ADK: variants seen among roughly 807,000 people sequenced by gnomAD.
ADK encodes N6,N6-dimethyladenosine kinase.
In ADK, 24 loss-of-function variants were observed where a neutral mutation model predicts 44.7. That is an observed-to-expected ratio of 0.54 (90% CI 0.39 to 0.76). The LOEUF (loss-of-function observed/expected upper bound fraction) is 0.76, where lower values mean the gene tolerates loss of function less well. Ranked by LOEUF, ADK falls within the 30% of genes least tolerant of loss-of-function variation. The pLI, the probability that ADK is intolerant of heterozygous loss-of-function variation, is 0.00. For missense variants in ADK, 321 were observed against 425.1 expected, an observed-to-expected ratio of 0.76 and a Z score of 2.15; for synonymous variants, 128 against 142.6, an observed-to-expected ratio of 0.90 and a Z score of 0.73.
intron 3 of ADK, among the ~76,000 whole-genome samples, chr10:74,235,119 AAATTATCCCTT>A (rs1204730565): frequency 7.1e-6 from 1 of 141,156 alleles, no homozygotes; most frequent in East Asian, 2.0e-4. Flanking sequence ...TGGATACTTG[AAATTATCCCTT>A]TTTTTTTTTT....
chr10:74,650,313 G>A (rs900330898), intron 9 of ADK, among the ~76,000 whole-genome samples: 6 of 151,924 alleles, frequency 3.9e-5, no homozygotes, highest in Admixed American at 2.0e-4. Context: ...CCAGCTACTC[G>A]GGAAGCTGAG....
At chr10:74,419,253 A>G (rs778055378) in intron 6 of ADK, among the ~76,000 whole-genome samples, 30 of 152,164 alleles carry the variant, frequency 2.0e-4, no homozygotes, top group Non-Finnish European at 4.0e-4. Flanking sequence ...CTCTATTGCA[A>G]AAATATTTTT....
intron 3 of ADK, among the ~76,000 whole-genome samples, chr10:74,265,588 G>T (rs79625999): frequency 2.0e-5 from 3 of 147,696 alleles, no homozygotes; most frequent in Non-Finnish European, 3.0e-5. Context: ...TGAGAAAAGC[G>T]CAACTTAATT....
At chr10:74,531,873 A>G (rs1372004341) in intron 7 of ADK, among the ~76,000 whole-genome samples, 1 of 152,140 alleles carries the variant, frequency 6.6e-6, no homozygotes, top group Non-Finnish European at 1.5e-5. Flanking sequence ...ATGTAGTACC[A>G]ATTGTATACA....
At chr10:74,508,364 A>T (rs1294381318) in intron 6 of ADK, 1 of 152,186 alleles carries the variant, frequency 6.6e-6, no homozygotes, top group Admixed American at 6.5e-5. Flanking sequence ...TTGTAACATA[A>T]AACTCACTTT....
intron 1 of ADK, among the ~76,000 whole-genome samples, chr10:74,169,888 G>A (rs755904334): frequency 6.6e-6 from 1 of 152,150 alleles, no homozygotes; most frequent in South Asian, 2.1e-4. Flanking sequence ...AGGAACCTGA[G>A]ATGTCACCTA....
intron 7 of ADK, among the ~76,000 whole-genome samples, chr10:74,536,626 C>T (rs1400030811): frequency 6.6e-5 from 10 of 150,878 alleles, no homozygotes; most frequent in Admixed American, 1.3e-4. Flanking sequence ...TCAACCCAAG[C>T]AGAAGCTCTG....
At chr10:74,481,503 C>G (rs1201561434) in intron 6 of ADK, among the ~76,000 whole-genome samples, 2 of 152,082 alleles carry the variant, frequency 1.3e-5, no homozygotes, top group Non-Finnish European at 2.9e-5. Flanking sequence ...CTTTCACACT[C>G]TCTTGAGCCC....
In ADK at chr10:74,303,585, GTTGTTTTTTTTTTT is replaced by G. The variant is rs1177309653; in HGVS notation, c.195-11079_195-11066del. Among the ~76,000 whole-genome samples the G allele has an allele frequency of 4.5e-4, 29 of 64,648 alleles. 2 individuals carry two copies. Among genetic ancestry groups the G allele is most frequent in the South Asian group, 9.9e-4 (2 of 2,024 alleles). 42.4% of individuals were successfully genotyped at this position (64,648 alleles called of 152,430 possible). A position where few individuals can be genotyped will look rare whatever the true frequency, so the allele number is the denominator to read the frequency against. On this transcript the variant is annotated intron_variant, in intron 3 of 10. Transcript: ENST00000539909. ...AAACACTTTTCATATTGGTTTTAAT[GTTGTTTTTTTTTTT>G]TTTTTTTTTTTTTTTGCTAGAAAGG...
rs142465407 is a variant in ADK at position 74,240,372 on chromosome 10, TTGTG to T, written c.194+15807_194+15810del. On this transcript the variant is annotated intron_variant, in intron 3 of 10. Transcript: ENST00000539909. ...AGCCTGTCAGTGTTTTCCTTTTATTTTGTGTGTGTGTGTGTGTGTGTGTGTGTGT... is the reference window on the plus strand; with the variant it reads ...AGCCTGTCAGTGTTTTCCTTTTATTTTGTGTGTGTGTGTGTGTGTGTGTGT... Among the ~76,000 whole-genome samples, 189 of 147,240 alleles carry T rather than the reference TTGTG, an allele frequency of 1.3e-3. 3 individuals are homozygous for T. Among genetic ancestry groups the T allele is most frequent in the African/African-American group, 3.1e-3 (123 of 40,240 alleles).
At chr10:74,512,849 A>C (rs1049057251) in intron 6 of ADK, among the ~76,000 whole-genome samples, 1 of 151,824 alleles carries the variant, frequency 6.6e-6, no homozygotes, top group Non-Finnish European at 1.5e-5. Context: ...GTTTATCATC[A>C]AGTTGTTTAC....
chr10:74,279,009 G>A (rs1232222555), intron 3 of ADK, among the ~76,000 whole-genome samples: 1 of 152,056 alleles, frequency 6.6e-6, no homozygotes, highest in East Asian at 1.9e-4. Flanking sequence ...AGCTGGGCGC[G>A]GTGGCTCACG....
intron 3 of ADK, among the ~76,000 whole-genome samples, chr10:74,261,684 G>T (rs531358625): frequency 6.6e-6 from 1 of 152,288 alleles, no homozygotes; most frequent in African/African-American, 2.4e-5. Context: ...TGAAGGCCTT[G>T]CTCCATTAGC....
chr10:74,295,066 A>G (rs1437517671), intron 3 of ADK, among the ~76,000 whole-genome samples: 1 of 150,952 alleles, frequency 6.6e-6, no homozygotes, highest in East Asian at 2.0e-4. Flanking sequence ...CCTGTTGGCC[A>G]TGCTGGTCTC....
chr10:74,691,983 T>C (rs2134268235), intron 10 of ADK, among the ~76,000 whole-genome samples: 1 of 152,282 alleles, frequency 6.6e-6, no homozygotes, highest in African/African-American at 2.4e-5. Flanking sequence ...AAACTAAACA[T>C]ACTTTTACCA....
chr10:74,420,955 G>T (rs1844535930), intron 6 of ADK, among the ~76,000 whole-genome samples: 1 of 152,148 alleles, frequency 6.6e-6, no homozygotes, highest in Admixed American at 6.5e-5. Flanking sequence ...TGTTCTGTAT[G>T]GTACTGTGGT....
chr10:74,502,708 T>C (rs1030487537), intron 6 of ADK, among the ~76,000 whole-genome samples: 1 of 152,124 alleles, frequency 6.6e-6, no homozygotes, highest in African/African-American at 2.4e-5. Flanking sequence ...CAGAGGCATC[T>C]AGGGAGAAAC....
intron 7 of ADK, among the ~76,000 whole-genome samples, chr10:74,570,322 C>G (rs368610315): frequency 6.6e-6 from 1 of 152,124 alleles, no homozygotes; most frequent in Non-Finnish European, 1.5e-5. Flanking sequence ...AAGTCATTGG[C>G]AGTTTGATGG....
intron 7 of ADK, among the ~76,000 whole-genome samples, chr10:74,565,172 G>A (rs555736864): frequency 6.6e-6 from 1 of 152,210 alleles, no homozygotes; most frequent in Non-Finnish European, 1.5e-5. Context: ...AAAGTTTGGT[G>A]AAAGTTAAAA....
Sources: gnomAD v4.1 joint callset for allele counts (sites outside exome capture counted in the v4.1 genomes callset) on GRCh38, gnomAD v4.1.1 for gene constraint, MANE v1.5 for transcripts, NCBI Gene and HGNC (gene_info 2026-07-23, HGNC 2026-07-21) for gene names.